The following ZNF160 variants were observed in gnomAD, a reference collection of about 807,000 sequenced individuals.
The protein encoded by ZNF160 is KRAB zinc finger protein KR18.
A neutral mutation model predicts 13.1 loss-of-function variants in ZNF160; 9 were observed. The observed-to-expected ratio is 0.69, with a 90% CI of 0.41 to 1.20. The LOEUF (loss-of-function observed/expected upper bound fraction) is 1.20. ZNF160 is among the 50% of genes most tolerant of loss of function. The probability of loss-of-function intolerance (pLI) is 0.01; values close to 1 mark genes in which losing one functional copy is unlikely to be tolerated. For missense variants in ZNF160, 838 were observed against 988.0 expected (o/e 0.85, Z 2.04); for synonymous variants, 293 against 333.2 (o/e 0.88, Z 1.31).
intron 2 of ZNF160, among the ~76,000 whole-genome samples, chr19:53,088,011 A>C (rs1435257219): frequency 6.6e-6 from 1 of 152,212 alleles, no homozygotes; most frequent in East Asian, 1.9e-4. Context: ...CCATGAGATG[A>C]GAAGTACGGA....
intron 2 of ZNF160, among the ~76,000 whole-genome samples, chr19:53,088,319 A>C (rs1194710497): frequency 6.6e-6 from 1 of 152,134 alleles, no homozygotes; most frequent in Non-Finnish European, 1.5e-5. Flanking sequence ...AAAAGGAAGA[A>C]TCAGTGGAAT....
rs750182962 is a variant in ZNF160 at position 53,068,730 on chromosome 19, A to C, written c.1804T>G (p.Phe602Val). 6.2e-7 allele frequency: 1 copy of C among 1,614,176 alleles called. No individual in the cohort carries two copies. Among genetic ancestry groups the C allele is most frequent in the Non-Finnish European group, 8.5e-7 (1 of 1,180,036 alleles). The change falls in exon 6 of 6, where the codon TTT becomes GTT. Residue 602 changes from phenylalanine to valine, a missense_variant. Physicochemically the swap from Phe to Val is conservative, Grantham distance 50. Transcript: ENST00000683776. The part of the protein sequence containing the change: ...PYKCNDCGRA[F>V]SDRSSLTFHQ... ...AAAGTTAGGCTTGAACGATCACTAA[A>C]GGCTCTGCCACAGTCATTACACTTG...
chr19:53,069,542 T>C lies in ZNF160; in HGVS notation c.992A>G (p.His331Arg). ...TTTCTCTCCAGTATGAATTCGCCGA[T>C]GAGTTGCAAGGTATGAATTGTGCCT... Reference protein sequence around the residue: ...VFRHNSYLATHRRIHTGEKPY... With the variant: ...VFRHNSYLATRRRIHTGEKPY... The change falls in exon 6 of 6, where the codon CAT becomes CGT. Residue 331 changes from histidine (H) to arginine (R), a missense_variant. This residue lies in a region of ZNF160 where 387 missense variants were observed against 402.3 expected (regional missense o/e 0.96). Coordinates refer to ENST00000683776, the MANE Select transcript of ZNF160 (RefSeq NM_001322131.2). The surrounding 1 kb of genome is among the most constrained non-coding windows in gnomAD (Gnocchi z 4.4). 1 of 1,614,220 alleles carries C rather than the reference T, an allele frequency of 6.2e-7. No individual in the cohort carries two copies. The highest frequency in any genetic ancestry group is 8.5e-7 in the Non-Finnish European group (1 of 1,180,034).
rs1190575091 is a variant in ZNF160, at chr19:53,068,190, T to C, written c.2344A>G (p.Ile782Val). 3.1e-6 allele frequency: 5 copies of C among 1,614,072 alleles called. No individual in the cohort carries two copies. The highest frequency in any genetic ancestry group is 1.7e-5 in the Admixed American group (1 of 59,998). The change falls in exon 6 of 6, where the codon ATC becomes GTC. Residue 782 changes from isoleucine to valine, a missense_variant. Ile to Val is a conservative substitution (Grantham distance 29, BLOSUM62 3). Around this residue, in one of 3 missense-constraint regions of ZNF160, gnomAD observed 51 missense variants for 46.9 expected, o/e 1.09. Coordinates refer to ENST00000683776, the MANE Select transcript of ZNF160 (RefSeq NM_001322131.2). The stretch of plus-strand genomic sequence containing the variant: ...TTGTAACGCTTTTCTCCAGTGTGGA[T>C]TGCCATATGGGTAGTTAGACTTGAT... ...VRSSLTTHMAIHTGEKRYKCN... is the reference protein window; with the variant it reads ...VRSSLTTHMAVHTGEKRYKCN...
At position 53,069,502 on chromosome 19, in the gene ZNF160, A is replaced by G; in HGVS notation, c.1032T>C (p.Asn344=). ...IHTGEKPYKC[N]ECGKAFRGHS... ...GTCCTCTAAAGGCTTTTCCACACTC[A>G]TTACACTTGTAAGGTTTCTCTCCAG... Residue 344 remains asparagine, a synonymous_variant, in exon 6 of 6, where the codon AAT becomes AAC. Transcript: ENST00000683776. This position sits in a 1 kb window ranked among gnomAD's most constrained non-coding sequence, Gnocchi z 4.4. The G allele has an allele frequency of 6.2e-7, 1 of 1,614,138 alleles. No homozygotes were observed. The highest frequency in any genetic ancestry group is 8.5e-7 in the Non-Finnish European group (1 of 1,180,036).
rs529769697 is a variant in ZNF160, at chr19:53,069,335, T to G, written c.1199A>C (p.Asn400Thr). 1 of 1,613,710 alleles carries G rather than the reference T, an allele frequency of 6.2e-7. No homozygotes were observed. The highest frequency in any genetic ancestry group is 1.3e-5 in the African/African-American group (1 of 74,948). Residue 400 changes from asparagine (N) to threonine (T), a missense_variant, in exon 6 of 6, where the codon AAT (asparagine) becomes ACT (threonine). By Grantham distance (65) the Asn-to-Thr change is moderately conservative. Around this residue, in one of 3 missense-constraint regions of ZNF160, gnomAD observed 400 missense variants for 538.9 expected, o/e 0.74. Coordinates refer to ENST00000683776, the MANE Select transcript of ZNF160 (RefSeq NM_001322131.2). The surrounding 1 kb of genome is among the most constrained non-coding windows in gnomAD (Gnocchi z 4.4). ...IHTGEKPYKC[N>T]ECGKAFSVRS... is the part of the protein sequence containing the mutation. ...AACACTAAAGGCTTTGCCGCACTCATTGCACTTGTAAGGTTTCTCTCCAGT... is the reference window on the plus strand; with the variant it reads ...AACACTAAAGGCTTTGCCGCACTCAGTGCACTTGTAAGGTTTCTCTCCAGT...
chr19:53,074,357 C>G, intron 4 of ZNF160, 89 bp from the exon 5 acceptor site: 1 of 1,528,270 alleles, frequency 6.5e-7, no homozygotes, highest in South Asian at 1.3e-5. Context: ...ATATGTGGAT[C>G]TAAGAAAACT....
rs779985113 is a variant in ZNF160, at chr19:53,068,353, A to G, written c.2181T>C (p.His727=). ...RSSLTTHQAI[H]TGKKPYKCNE... ...TACATTTGTAAGGTTTTTTCCCAGT[A>G]TGGATTGCCTGATGGGTGGTTAGGC... Residue 727 remains histidine (H), a synonymous_variant, in exon 6 of 6, where the codon CAT becomes CAC. Coordinates refer to ENST00000683776, the MANE Select transcript of ZNF160 (RefSeq NM_001322131.2). 2 of 1,613,890 alleles carry G rather than the reference A, an allele frequency of 1.2e-6. No homozygotes were observed. Among genetic ancestry groups the G allele is most frequent in the Non-Finnish European group, 1.7e-6 (2 of 1,180,030 alleles).
At chr19:53,092,127 C>A (rs2085057470) in intron 1 of ZNF160, among the ~76,000 whole-genome samples, 1 of 152,032 alleles carries the variant, frequency 6.6e-6, no homozygotes, top group Non-Finnish European at 1.5e-5. Flanking sequence ...TCCAAAAGTA[C>A]TTGAAGAAAC....
At chr19:53,091,127 T>A (rs1010656118) in intron 2 of ZNF160, 1 of 152,174 alleles carries the variant, frequency 6.6e-6, no homozygotes, top group African/African-American at 2.4e-5. Flanking sequence ...AGCGGGAGGA[T>A]CACTTGAGCC....
In ZNF160 at chr19:53,068,340, GT is replaced by G; in HGVS notation, c.2193del (p.Lys731AsnfsTer42). The G allele has an allele frequency of 1.2e-6, 2 of 1,614,126 alleles. No individual in the cohort carries two copies. Among genetic ancestry groups the G allele is most frequent in the Non-Finnish European group, 1.7e-6 (2 of 1,180,038 alleles). Reference sequence around the variant, plus strand: ...TTGCCACATTCATTACATTTGTAAGGTTTTTTCCCAGTATGGATTGCCTGAT... The same window carrying G: ...TTGCCACATTCATTACATTTGTAAGGTTTTTCCCAGTATGGATTGCCTGAT... ...TTHQAIHTGK[K>X]PYKCNECGKV... On this transcript the variant is annotated frameshift_variant, in exon 6 of 6. Coordinates refer to ENST00000683776, the MANE Select transcript of ZNF160 (RefSeq NM_001322131.2). LOFTEE classifies it low-confidence loss of function (END_TRUNC).
intron 1 of ZNF160, 99 bp downstream of exon 1, chr19:53,103,166 C>T (rs980528606): frequency 6.6e-6 from 1 of 152,178 alleles, no homozygotes; most frequent in Admixed American, 6.5e-5. Flanking sequence ...GCCGTGTTTA[C>T]TTGGCCCAAG....
chr19:53,075,979 C>A, intron 3 of ZNF160: 1 of 277,514 alleles, frequency 3.6e-6, no homozygotes, highest in South Asian at 3.2e-5. Flanking sequence ...TGAGAACACC[C>A]ATTTGGTGTC....
intron 3 of ZNF160, chr19:53,077,163 A>C (rs1314318216): frequency 6.6e-6 from 1 of 152,294 alleles, no homozygotes; most frequent in African/African-American, 2.4e-5. Flanking sequence ...AACAGCCGGC[A>C]GACAACAGAG....
chr19:53,084,115 C>A lies in ZNF160; in HGVS notation c.15+2147G>T, dbSNP rs901086230. ...ACCTCGAGAAACAGCAATCAATCTA[C>A]AACCCAAAGTCCTGCTACAAAACTC... On this transcript the variant is annotated intron_variant, in intron 3 of 5. Transcript: ENST00000683776. Among the ~76,000 whole-genome samples, 33 of 152,102 alleles carry A rather than the reference C, an allele frequency of 2.2e-4. 1 individual carries two copies. The highest frequency in any genetic ancestry group is 4.6e-4 in the Admixed American group (7 of 15,258).
chr19:53,069,958 C>T lies in ZNF160; in HGVS notation c.576G>A (p.Leu192=). 1 of 1,614,108 alleles carries T rather than the reference C, an allele frequency of 6.2e-7. No homozygotes were observed. Among genetic ancestry groups the T allele is most frequent in the Non-Finnish European group, 8.5e-7 (1 of 1,180,020 alleles). The change falls in exon 6 of 6, where the codon CTG becomes CTA. Residue 192 remains leucine (L), a synonymous_variant. Transcript: ENST00000683776. This position sits in a 1 kb window ranked among gnomAD's most constrained non-coding sequence, Gnocchi z 4.4. ...TTTTCCCCTCACCTTGAAATAGCTG[C>T]AGTTCAGGCAGATGAGAATGAAAGC... ...GVSFHSHLPE[L]QLFQGEGKMY...
intron 3 of ZNF160, chr19:53,075,633 A>G: frequency 2.2e-6 from 1 of 445,748 alleles, no homozygotes; most frequent in Non-Finnish European, 4.5e-6. Flanking sequence ...GACAGAATAC[A>G]TGAGAGAATA....
intron 3 of ZNF160, among the ~76,000 whole-genome samples, chr19:53,082,507 C>G (rs1275086509): frequency 6.6e-6 from 1 of 152,050 alleles, no homozygotes; most frequent in Non-Finnish European, 1.5e-5. Context: ...GAAACCTCAT[C>G]TCTACAAAAA....
intron 1 of ZNF160, among the ~76,000 whole-genome samples, chr19:53,096,892 T>C (rs2085259478): frequency 8.2e-6 from 1 of 122,340 alleles, no homozygotes; most frequent in South Asian, 2.6e-4. Context: ...TTTCCCTAAA[T>C]GTGACCCCAT....
Sources: gnomAD v4.1 joint callset for allele counts (sites outside exome capture counted in the v4.1 genomes callset) on GRCh38, gnomAD v4.1.1 for gene constraint, gnomAD v4.1.1 regional missense constraint, Gnocchi (gnomAD v3.1) non-coding constraint, MANE v1.5 for transcripts, NCBI Gene and HGNC (gene_info 2026-07-23, HGNC 2026-07-21) for gene names.